RUNX3: variants seen among roughly 807,000 people sequenced by gnomAD.
RUNX3 encodes the protein runt-related transcription factor 3.
A neutral mutation model predicts 27.7 loss-of-function variants in RUNX3; 10 were observed. The observed-to-expected ratio is 0.36, with a 90% CI of 0.22 to 0.61. RUNX3 has a LOEUF of 0.61. Ranked by LOEUF, RUNX3 falls within the 20% of genes least tolerant of loss-of-function variation. RUNX3 has a pLI of 0.72. For synonymous variants in RUNX3, 270 were observed against 269.2 expected (o/e 1.00, Z -0.03); for missense variants, 469 against 629.5 (o/e 0.75, Z 2.73).
intron 2 of RUNX3, among the ~76,000 whole-genome samples, chr1:24,941,398 A>G (rs1478243294): frequency 6.6e-6 from 1 of 152,248 alleles, no homozygotes; most frequent in African/African-American, 2.4e-5. Context: ...CCCCTTGATT[A>G]TAGTAACTAG....
chr1:24,920,883 C>T (rs1174513425), intron 2 of RUNX3, among the ~76,000 whole-genome samples: 2 of 152,116 alleles, frequency 1.3e-5, no homozygotes, highest in Non-Finnish European at 2.9e-5. Flanking sequence ...GGTAAGAGTC[C>T]TCCTCTCACC....
chr1:24,960,382 G>A (rs1454507036), intron 2 of RUNX3, among the ~76,000 whole-genome samples: 1 of 152,244 alleles, frequency 6.6e-6, no homozygotes, highest in Non-Finnish European at 1.5e-5. Flanking sequence ...ACTCATGCAG[G>A]TGACGGCAGA....
At chr1:24,948,409 ATGG>A (rs1391798268) in intron 2 of RUNX3, among the ~76,000 whole-genome samples, 1 of 152,160 alleles carries the variant, frequency 6.6e-6, no homozygotes, top group African/African-American at 2.4e-5. Context: ...GAGGCCTAAC[ATGG>A]TGGCAGGGAC....
upstream of RUNX3, among the ~76,000 whole-genome samples, chr1:24,931,653 G>C (rs1641231522): frequency 6.6e-6 from 1 of 152,162 alleles, no homozygotes; most frequent in African/African-American, 2.4e-5. Context: ...TCCGACGGTG[G>C]CCGCAAGATC....
At chr1:24,940,683 C>T (rs1266828243) in intron 2 of RUNX3, among the ~76,000 whole-genome samples, 3 of 151,506 alleles carry the variant, frequency 2.0e-5, no homozygotes, top group African/African-American at 7.3e-5. Context: ...CTACTTGAGG[C>T]CTAGAGTTCA....
Position 24,900,711 on chromosome 1 carries a change from C to T in RUNX3, c.*1411G>A, listed in dbSNP as rs1470358958. On this transcript the variant is annotated 3_prime_UTR_variant, in exon 5 of 5. Transcript: ENST00000308873. ...CCGCCCAGCCTCCTGGACAGATGTC[C>T]TAGAGCCACAGAGGAGAGATGCCCA... 1 of 152,432 alleles carries T rather than the reference C, an allele frequency of 6.6e-6. No homozygotes were observed. Among genetic ancestry groups the T allele is most frequent in the Admixed American group, 6.5e-5 (1 of 15,290 alleles). The allele number at this position is 152,432 out of a possible 1,614,324, so 9.4% of individuals were successfully genotyped here.
intron 1 of RUNX3, among the ~76,000 whole-genome samples, chr1:24,928,264 G>A (rs1267074164): frequency 6.6e-6 from 1 of 152,248 alleles, no homozygotes; most frequent in East Asian, 1.9e-4. Flanking sequence ...TCGTTATGCA[G>A]AGAAAATGCA....
chr1:24,918,590 G>T (rs9438861), intron 3 of RUNX3, among the ~76,000 whole-genome samples: 122,379 of 148,342 alleles, frequency 0.82, 50,675 homozygotes, highest in East Asian at 0.92. Context: ...CATTCATTCA[G>T]TCAGTCAGTC....
In RUNX3 at chr1:24,901,028, GTTTT is replaced by G. The variant is rs1203121493; in HGVS notation, c.*1090_*1093del. The G allele has an allele frequency of 8.1e-5, 10 of 123,574 alleles. No homozygotes were observed. The highest frequency in any genetic ancestry group is 2.5e-4 in the South Asian group (1 of 4,044). The allele number at this position is 123,574 out of a possible 1,614,324, so 7.7% of individuals were successfully genotyped here. On this transcript the variant is annotated 3_prime_UTR_variant, in exon 5 of 5. Coordinates refer to ENST00000308873, the MANE Select transcript of RUNX3 (RefSeq NM_004350.3). ...TTAAAAACTGTTTTGTTTTTTTTTT[GTTTT>G]TTTGTTTTTTTTTTTTTTTTGCTCA...
chr1:24,934,213 A>C (rs1641295184), upstream of RUNX3, among the ~76,000 whole-genome samples: 2 of 152,356 alleles, frequency 1.3e-5, no homozygotes, highest in East Asian at 1.9e-4. Flanking sequence ...AGAAATGTTA[A>C]TGAAAAATGG....
chr1:24,902,746 G>GA lies in RUNX3; in HGVS notation c.704-81_704-80insT. The GA allele has an allele frequency of 7.8e-7, 1 of 1,287,240 alleles. No homozygotes were observed. Among genetic ancestry groups the GA allele is most frequent in the Non-Finnish European group, 1.1e-6 (1 of 952,150 alleles). The allele number at this position is 1,287,240 out of a possible 1,614,324, so 79.7% of individuals were successfully genotyped here. The stretch of plus-strand genomic sequence containing the variant: ...TTCCTGAAGAATGACCTTGGGCTCT[G>GA]GTTCCCAAGGCCCATCTGGGGGACC... On this transcript the variant is annotated intron_variant, in intron 4 of 4. Transcript: ENST00000308873. This position sits in a 1 kb window ranked among gnomAD's most constrained non-coding sequence, Gnocchi z 9.2.
chr1:24,932,332 AG>A (rs1408367702), upstream of RUNX3, among the ~76,000 whole-genome samples: 2 of 4,846 alleles, frequency 4.1e-4, no homozygotes, highest in East Asian at 9.8e-3. Flanking sequence ...CGGCGGGGGG[AG>A]GGGGGGCGGG....
At chr1:24,951,637 C>A (rs1008850918) in intron 2 of RUNX3, among the ~76,000 whole-genome samples, 4 of 152,170 alleles carry the variant, frequency 2.6e-5, no homozygotes, top group African/African-American at 9.7e-5. Flanking sequence ...CGTGGGGGCA[C>A]CACCAGCTCT....
chr1:24,953,841 A>T (rs777875930), intron 2 of RUNX3, among the ~76,000 whole-genome samples: 2 of 152,244 alleles, frequency 1.3e-5, no homozygotes, highest in Non-Finnish European at 2.9e-5. Context: ...CAAAATCAGA[A>T]GTCCTAAATT....
At chr1:24,955,566 G>A (rs1322407371) in intron 2 of RUNX3, among the ~76,000 whole-genome samples, 2 of 152,230 alleles carry the variant, frequency 1.3e-5, no homozygotes, top group African/African-American at 4.8e-5. Flanking sequence ...TAAGCCAGAG[G>A]GGTGTGGGTG....
chr1:24,902,069 T>A lies in RUNX3; in HGVS notation c.*53A>T, dbSNP rs1232630324. On this transcript the variant is annotated 3_prime_UTR_variant, in exon 5 of 5. Coordinates refer to ENST00000308873, the MANE Select transcript of RUNX3 (RefSeq NM_004350.3). This position sits in a 1 kb window ranked among gnomAD's most constrained non-coding sequence, Gnocchi z 9.2. ...AGCCTCGGAGCCGGCCCATCACTGG[T>A]CTTGAAGGTTGTTAGGGTCCCCGCC... is the stretch of plus-strand genomic sequence containing the variant. 8.3e-6 allele frequency: 12 copies of A among 1,438,988 alleles called. No individual in the cohort carries two copies. Among genetic ancestry groups the A allele is most frequent in the Non-Finnish European group, 8.3e-6 (9 of 1,087,170 alleles). The allele number at this position is 1,438,988 out of a possible 1,614,324, so 89.1% of individuals were successfully genotyped here.
At chr1:24,920,155 T>C (rs1640970322) in intron 2 of RUNX3, among the ~76,000 whole-genome samples, 1 of 152,190 alleles carries the variant, frequency 6.6e-6, no homozygotes, top group Admixed American at 6.5e-5. Flanking sequence ...TAGATAGACA[T>C]TTGGCTCCAA....
chr1:24,922,603 G>C (rs567612321), intron 2 of RUNX3, among the ~76,000 whole-genome samples: 1 of 152,012 alleles, frequency 6.6e-6, no homozygotes, highest in Non-Finnish European at 1.5e-5. Flanking sequence ...CCCAATGCTA[G>C]ATCTTATTTA....
rs1323896909 is a variant in RUNX3 at position 24,916,329 on chromosome 1, T to C, written c.544+2911A>G. ...CTCCCCTAGGCAGACACCAATACCA[T>C]CCATTTGACAGCTGAGCACACTGAG... On this transcript the variant is annotated intron_variant, in intron 3 of 4. Transcript: ENST00000308873. This position sits in a 1 kb window ranked among gnomAD's most constrained non-coding sequence, Gnocchi z 4.8. Among the ~76,000 whole-genome samples the C allele has an allele frequency of 2.0e-5, 3 of 152,068 alleles. No individual in the cohort carries two copies. The highest frequency in any genetic ancestry group is 7.2e-5 in the African/African-American group (3 of 41,394).
Sources: gnomAD v4.1 joint callset for allele counts (sites outside exome capture counted in the v4.1 genomes callset) on GRCh38, gnomAD v4.1.1 for gene constraint, Gnocchi (gnomAD v3.1) non-coding constraint, MANE v1.5 for transcripts, NCBI Gene and HGNC (gene_info 2026-07-23, HGNC 2026-07-21) for gene names.